The following BPIFA3 variants were observed in gnomAD, a reference collection of about 807,000 sequenced individuals.
BPIFA3 encodes the protein BPI fold containing family A member 3, also known as BPI fold-containing family A member 3.
In BPIFA3, 32 loss-of-function variants were observed where a neutral mutation model predicts 29.7. That is an observed-to-expected ratio of 1.08 (90% CI 0.81 to 1.45). BPIFA3 has a LOEUF of 1.45. Among genes scored for constraint, BPIFA3 ranks in the 40% most tolerant of loss-of-function variants. BPIFA3 has a pLI of 0.00. For synonymous variants in BPIFA3, 112 were observed against 113.7 expected (o/e 0.98, Z 0.10); for missense variants, 323 against 311.3 (o/e 1.04, Z -0.28).
At chr20:33,224,048 G>A in intron 2 of BPIFA3, 87 bp downstream of exon 2, 3 of 1,510,260 alleles carry the variant, frequency 2.0e-6, no homozygotes, top group East Asian at 2.3e-5. Flanking sequence ...CTGGGGAGGT[G>A]CAAGGCCTGT....
rs779441425 is a variant in BPIFA3 at position 33,225,164 on chromosome 20, G to C, written c.453G>C (p.Glu151Asp). ...HMSIVVEFWL[E>D]KDEFGRRDLV... ...GCATCGTTGTGGAGTTCTGGCTGGA[G>C]AAAGACGAGTTTGGCCGGAGGGATC... The change falls in exon 4 of 7, where the codon GAG (glutamate) becomes GAC (aspartate). Residue 151 changes from glutamate (E) to aspartate (D), a missense_variant. Transcript: ENST00000375454. The C allele has an allele frequency of 1.3e-5, 21 of 1,614,050 alleles. No individual in the cohort carries two copies. The highest frequency in any genetic ancestry group is 3.3e-4 in the Middle Eastern group (2 of 6,082).
intron 1 of BPIFA3, among the ~76,000 whole-genome samples, chr20:33,222,927 C>T (rs966782237): frequency 2.0e-5 from 3 of 152,248 alleles, no homozygotes; most frequent in Non-Finnish European, 4.4e-5. Flanking sequence ...CCAGTAGATG[C>T]TCAATAAATA....
rs1415619361 is a variant in BPIFA3, at chr20:33,225,236, C to T, written c.525C>T (p.Ala175=). The part of the protein sequence containing the change: ...CDAEPSSVHV[A]ILTEAIPPKM... The stretch of plus-strand genomic sequence containing the variant: ...CAGAGCCCAGCAGTGTCCATGTGGC[C>T]ATCCTCACTGAGTAAGACCCCAGCT... The change falls in exon 4 of 7, where the codon GCC becomes GCT. Residue 175 remains alanine, a synonymous_variant. Transcript: ENST00000375454. 1 of 1,613,718 alleles carries T rather than the reference C, an allele frequency of 6.2e-7. No individual in the cohort carries two copies. The highest frequency in any genetic ancestry group is 1.1e-5 in the South Asian group (1 of 91,038).
intron 6 of BPIFA3, 145 bp from the exon 7 acceptor site, chr20:33,227,393 C>A (rs1985832818): frequency 1.5e-6 from 1 of 680,636 alleles, no homozygotes; most frequent in Non-Finnish European, 2.6e-6. Context: ...AAGAAGCAAA[C>A]AATTCAGCAT....
At position 33,217,363 on chromosome 20, in the gene BPIFA3, G is replaced by A. The variant is rs1400600022; in HGVS notation, c.-174G>A. ...CATGTTGCTCTCCCAATGTGAGCAA[G>A]CCCTGGTGGCAGCGCCAGGGTCCAG... On this transcript the variant is annotated 5_prime_UTR_variant, in exon 1 of 7. Transcript: ENST00000375454. The A allele has an allele frequency of 2.7e-6, 2 of 737,026 alleles. No individual in the cohort carries two copies. Among genetic ancestry groups the A allele is most frequent in the Non-Finnish European group, 4.1e-6 (2 of 487,372 alleles). The allele number at this position is 737,026 out of a possible 1,614,324, so 45.7% of individuals were successfully genotyped here.
intron 3 of BPIFA3, 24 bp from the exon 4 acceptor site, chr20:33,225,074 C>A (rs769222408): frequency 1.1e-5 from 17 of 1,609,998 alleles, no homozygotes; most frequent in Non-Finnish European, 1.4e-5. Flanking sequence ...CTTGCCCTTC[C>A]TCCTCTTCCT....
At chr20:33,225,304 T>G (rs2146488693) in intron 4 of BPIFA3, 57 bp downstream of exon 4, 1 of 1,608,934 alleles carries the variant, frequency 6.2e-7, no homozygotes, top group Non-Finnish European at 8.5e-7. Context: ...GAGCCCCAGC[T>G]GCAGGGTCAC....
rs533403434 is a variant in BPIFA3 at position 33,217,639 on chromosome 20, G to A, written c.103G>A (p.Asp35Asn). The stretch of plus-strand genomic sequence containing the variant: ...GCCTGGCCTGGCCCAAGCCCACAGA[G>A]ACAACAAATCCACCCTGGCAAGAAG... ...PWPGLAQAHRDNKSTLARIIA... is the reference protein window; with the variant it reads ...PWPGLAQAHRNNKSTLARIIA... The change falls in exon 1 of 7, where the codon GAC (aspartate) becomes AAC (asparagine). Residue 35 changes from aspartate to asparagine, a missense_variant. Coordinates refer to ENST00000375454, the MANE Select transcript of BPIFA3 (RefSeq NM_178466.5). 6 of 1,613,920 alleles carry A rather than the reference G, an allele frequency of 3.7e-6. No homozygotes were observed. The Admixed American group carries it at 1.0e-4, about 27-fold the overall frequency.
At chr20:33,222,604 ATGAG>A (rs747683297) in intron 1 of BPIFA3, among the ~76,000 whole-genome samples, 10 of 126,156 alleles carry the variant, frequency 7.9e-5, no homozygotes, top group Non-Finnish European at 9.3e-5. Context: ...GGATGGATGG[ATGAG>A]TGGATGGATG....
chr20:33,227,021 C>T (rs770664290), intron 6 of BPIFA3, 28 bp downstream of exon 6: 6 of 1,597,800 alleles, frequency 3.8e-6, no homozygotes, highest in East Asian at 2.2e-5. Flanking sequence ...CCAGTGAGGA[C>T]TTCTTAGGAC....
intron 1 of BPIFA3, among the ~76,000 whole-genome samples, chr20:33,218,137 C>T (rs1028788372): frequency 3.3e-5 from 5 of 152,210 alleles, no homozygotes; most frequent in African/African-American, 1.2e-4. Context: ...ATTCATCCAC[C>T]TCAGTTTATT....
intron 1 of BPIFA3, among the ~76,000 whole-genome samples, chr20:33,219,530 A>C (rs1985413925): frequency 6.6e-6 from 1 of 152,126 alleles, no homozygotes; most frequent in Non-Finnish European, 1.5e-5. Flanking sequence ...TTTCACATTT[A>C]AGATTTTAAC....
intron 3 of BPIFA3, 75 bp downstream of exon 3, chr20:33,224,537 G>C (rs761506581): frequency 3.8e-5 from 48 of 1,268,370 alleles, no homozygotes; most frequent in Non-Finnish European, 5.3e-5. Context: ...AGATCTTTCT[G>C]ATCCCAACCT....
In BPIFA3 at chr20:33,217,613, G is replaced by A. The variant is rs746278283; in HGVS notation, c.77G>A (p.Trp26Ter). ...CCCTTGGCACCACACAAGCAGCCTT[G>A]GCCTGGCCTGGCCCAAGCCCACAGA... ...ALPLAPHKQP[W>*]PGLAQAHRDN... Residue 26 changes from tryptophan to a stop codon, truncating the protein, a stop_gained, in exon 1 of 7, where the codon TGG becomes TAG. Coordinates refer to ENST00000375454, the MANE Select transcript of BPIFA3 (RefSeq NM_178466.5). LOFTEE classifies it high-confidence loss of function. The A allele has an allele frequency of 6.2e-7, 1 of 1,614,024 alleles. No homozygotes were observed. The highest frequency in any genetic ancestry group is 8.5e-7 in the Non-Finnish European group (1 of 1,179,980).
intron 1 of BPIFA3, among the ~76,000 whole-genome samples, chr20:33,221,832 C>T (rs939988221): frequency 6.6e-6 from 1 of 152,130 alleles, no homozygotes; most frequent in South Asian, 2.1e-4. Flanking sequence ...AATATATTGG[C>T]GTATAATTCT....
At position 33,227,562 on chromosome 20, in the gene BPIFA3, C is replaced by A; in HGVS notation, c.710C>A (p.Thr237Asn). 2.5e-6 allele frequency: 4 copies of A among 1,614,094 alleles called. No individual in the cohort carries two copies. The highest frequency in any genetic ancestry group is 3.4e-6 in the Non-Finnish European group (4 of 1,179,982). ...LIEQEAAHEP[T>N]HHETSQPSAC... ...GAACAGGAGGCTGCTCATGAACCAA[C>A]CCACCATGAAACCAGCCAACCCTCT... The change falls in exon 7 of 7, where the codon ACC (threonine) becomes AAC (asparagine). Residue 237 changes from threonine to asparagine, a missense_variant. Transcript: ENST00000375454.
chr20:33,222,671 A>G lies in BPIFA3; in HGVS notation c.128-1140A>G, dbSNP rs560033898. Among the ~76,000 whole-genome samples the G allele has an allele frequency of 1.5e-3, 148 of 101,998 alleles. 3 individuals are homozygous for G. Among genetic ancestry groups the G allele is most frequent in the African/African-American group, 7.3e-3 (143 of 19,586 alleles). The allele number at this position is 101,998 out of a possible 152,430, so 66.9% of individuals were successfully genotyped here. ...GGATGGATGGATGGATGGATGGATGAGTGGATGGATGGATGGATGAGCGGA... is the reference window on the plus strand; with the variant it reads ...GGATGGATGGATGGATGGATGGATGGGTGGATGGATGGATGGATGAGCGGA... On this transcript the variant is annotated intron_variant, in intron 1 of 6. Transcript: ENST00000375454.
chr20:33,226,952 T>G lies in BPIFA3; in HGVS notation c.644T>G (p.Ile215Ser). The change falls in exon 6 of 7, where the codon ATC (isoleucine) becomes AGC (serine). Residue 215 changes from isoleucine (I) to serine (S), a missense_variant. Ile to Ser is a moderately radical substitution (Grantham distance 142). Coordinates refer to ENST00000375454, the MANE Select transcript of BPIFA3 (RefSeq NM_178466.5). ...ESQVCPLIGE[I>S]LGQLDVKLLK... Reference sequence around the variant, plus strand: ...CAGGTATGTCCTCTGATCGGTGAAATCCTCGGGCAGCTGGATGTGAAACTG... The same window carrying G: ...CAGGTATGTCCTCTGATCGGTGAAAGCCTCGGGCAGCTGGATGTGAAACTG... 1 of 1,614,078 alleles carries G rather than the reference T, an allele frequency of 6.2e-7. No individual in the cohort carries two copies. Among genetic ancestry groups the G allele is most frequent in the Non-Finnish European group, 8.5e-7 (1 of 1,180,000 alleles).
chr20:33,222,671 A>ATGGATGG (rs1568623520), intron 1 of BPIFA3, among the ~76,000 whole-genome samples: 2 of 101,934 alleles, frequency 2.0e-5, no homozygotes, highest in African/African-American at 1.0e-4. Flanking sequence ...TGGATGGATG[A>ATGGATGG]GTGGATGGAT....
Sources: allele counts gnomAD v4.1 joint callset (sites outside exome capture counted in the v4.1 genomes callset), GRCh38; gene constraint gnomAD v4.1.1; transcripts MANE v1.5; gene names NCBI Gene and HGNC (gene_info 2026-07-23, HGNC 2026-07-21).